Variants in C1orf159 observed in about 807,000 individuals in gnomAD.
C1orf159 encodes the protein uncharacterized protein C1orf159.
Under a neutral mutation model 25.6 loss-of-function variants are expected in C1orf159, and 19 were observed. That is an observed-to-expected ratio of 0.74 (90% CI 0.52 to 1.09). The LOEUF (loss-of-function observed/expected upper bound fraction) is 1.09. Among genes scored for constraint, C1orf159 ranks in the 50% least tolerant of loss-of-function variants. The pLI, the probability that C1orf159 is intolerant of heterozygous loss-of-function variation, is 0.00. For synonymous variants in C1orf159, 139 were observed against 124.7 expected, an observed-to-expected ratio of 1.12 and a Z score of -0.77; for missense variants, 274 against 290.6, an observed-to-expected ratio of 0.94 and a Z score of 0.42.
chr1:1,105,609 T>G (rs561659666), intron 1 of C1orf159, among the ~76,000 whole-genome samples: 1 of 152,112 alleles, frequency 6.6e-6, no homozygotes, highest in Non-Finnish European at 1.5e-5. Context: ...GGACCACGCA[T>G]GGTGGCTCAC....
intron 1 of C1orf159, among the ~76,000 whole-genome samples, chr1:1,096,662 T>A (rs1169932806): frequency 6.6e-6 from 1 of 152,254 alleles, no homozygotes; most frequent in Non-Finnish European, 1.5e-5. Flanking sequence ...ACAAGTTATA[T>A]TCTTCCAAGA....
In C1orf159 at chr1:1,087,479, CG is replaced by C; in HGVS notation, c.244+22del. On this transcript the variant is annotated intron_variant, in intron 5 of 9. Coordinates refer to ENST00000421241, the MANE Select transcript of C1orf159 (RefSeq NM_017891.5). This position sits in a 1 kb window ranked among gnomAD's most constrained non-coding sequence, Gnocchi z 8.3. ...ACAGCTGGAGCTGTGAGAAGGGAGC[CG>C]GGGGGAGCCGGGCAGACCTACAGCT... 7 of 1,535,486 alleles carry C rather than the reference CG, an allele frequency of 4.6e-6. No individual in the cohort carries two copies. The highest frequency in any genetic ancestry group is 2.5e-5 in the East Asian group (1 of 40,678).
chr1:1,095,129 A>C (rs1286954400), intron 1 of C1orf159, among the ~76,000 whole-genome samples: 1 of 152,222 alleles, frequency 6.6e-6, no homozygotes, highest in Non-Finnish European at 1.5e-5. Context: ...CTGAAGCTGT[A>C]AGTAGAATAG....
At chr1:1,083,859 T>C in intron 9 of C1orf159, 3 of 1,463,942 alleles carry the variant, frequency 2.0e-6, no homozygotes, top group Non-Finnish European at 2.8e-6. Flanking sequence ...GCTGTGTGGC[T>C]GTGCGCCGGT....
At position 1,110,665 on chromosome 1, in the gene C1orf159, C is replaced by T. The variant is rs528195897; in HGVS notation, c.-136+5395G>A. ...CACACCTGGGATGCAGCCTTCCCCC[C>T]GGGCACGTTCCCAAGAGAAACAACA... is the stretch of plus-strand genomic sequence containing the variant. On this transcript the variant is annotated intron_variant, in intron 1 of 9. Coordinates refer to ENST00000421241, the MANE Select transcript of C1orf159 (RefSeq NM_017891.5). This position sits in a 1 kb window ranked among gnomAD's most constrained non-coding sequence, Gnocchi z 4.8. Among the ~76,000 whole-genome samples the T allele has an allele frequency of 3.2e-4, 48 of 151,688 alleles. No individual in the cohort carries two copies. Among genetic ancestry groups the T allele is most frequent in the Non-Finnish European group, 4.6e-4 (31 of 68,032 alleles).
chr1:1,101,093 T>C (rs1192221683), intron 1 of C1orf159, among the ~76,000 whole-genome samples: 18 of 152,264 alleles, frequency 1.2e-4, no homozygotes, highest in Admixed American at 1.2e-3. Context: ...TTCCTTTTTC[T>C]GAAAATATTT....
In C1orf159 at chr1:1,082,934, G is replaced by A. The variant is rs1383400160; in HGVS notation, c.556C>T (p.Pro186Ser). The A allele has an allele frequency of 1.2e-6, 2 of 1,604,074 alleles. No homozygotes were observed. Among genetic ancestry groups the A allele is most frequent in the Non-Finnish European group, 1.7e-6 (2 of 1,176,222 alleles). The part of the protein sequence containing the change: ...RERPLDRATD[P>S]AAFPGEARIS... ...CGGGCCTCCCCCGGGAAGGCAGCGG[G>A]ATCCGTGGCCCTGTCCAGGGGCCGC... is the stretch of plus-strand genomic sequence containing the variant. Residue 186 changes from proline (P) to serine (S), a missense_variant, in exon 10 of 10, where the codon CCC becomes TCC. Physicochemically the swap from Pro to Ser is moderately conservative, Grantham distance 74. Coordinates refer to ENST00000421241, the MANE Select transcript of C1orf159 (RefSeq NM_017891.5).
intron 6 of C1orf159, among the ~76,000 whole-genome samples, chr1:1,086,341 A>G (rs1287100077): frequency 6.6e-6 from 1 of 152,202 alleles, no homozygotes; most frequent in Admixed American, 6.5e-5. Flanking sequence ...TTGCCCCTGA[A>G]AGCCAGGGGG....
rs192355445 is a variant in C1orf159 at position 1,083,304 on chromosome 1, G to A, written c.503-317C>T. 1,329 of 331,212 alleles carry A rather than the reference G, an allele frequency of 4.0e-3. 7 individuals carry two copies. The highest frequency in any genetic ancestry group is 5.4e-3 in the Non-Finnish European group (976 of 180,908). The allele number at this position is 331,212 out of a possible 1,614,324, so 20.5% of individuals were successfully genotyped here. ...CAGAGTATCATGCACCTCAGGGGGC[G>A]ACAAGCAGGCCGTAGTCCCAAGACC... On this transcript the variant is annotated intron_variant, in intron 9 of 9. Transcript: ENST00000421241.
Position 1,090,340 on chromosome 1 carries a change from CA to C in C1orf159, c.148+12del, listed in dbSNP as rs948782092. On this transcript the variant is annotated intron_variant, in intron 4 of 9. Transcript: ENST00000421241. ...GGGCCGGTCTGGAATCTGCTTGGGA[CA>C]AAGCGGCTTACCTGGACCACACAGA... 4.0e-5 allele frequency: 62 copies of C among 1,550,488 alleles called. No individual in the cohort carries two copies. In the East Asian group the frequency reaches 6.1e-4, roughly 15 times the overall value.
At chr1:1,093,845 T>C (rs1645974271) in intron 1 of C1orf159, among the ~76,000 whole-genome samples, 1 of 152,190 alleles carries the variant, frequency 6.6e-6, no homozygotes, top group Non-Finnish European at 1.5e-5. Context: ...ACGTTTAACT[T>C]TCTAAGGAAC....
At chr1:1,111,679 C>T (rs1433580760) in intron 1 of C1orf159, among the ~76,000 whole-genome samples, 1 of 152,242 alleles carries the variant, frequency 6.6e-6, no homozygotes, top group Admixed American at 6.5e-5. Flanking sequence ...CTCACCGTAA[C>T]TCCAGCCGCC....
In C1orf159 at chr1:1,095,757, A is replaced by G. The variant is rs756000219; in HGVS notation, c.-135-3654T>C. On this transcript the variant is annotated intron_variant, in intron 1 of 9. Transcript: ENST00000421241. ...ATCCTTGTTCTTGATTTTAGGGATA[A>G]AATGCTCAATATTTCGCCATCAAAA... Among the ~76,000 whole-genome samples the G allele has an allele frequency of 9.8e-5, 15 of 152,356 alleles. No homozygotes were observed. In the Middle Eastern group the frequency reaches 0.01, roughly 104 times the overall value.
At chr1:1,083,442 C>G (rs558626412) in intron 9 of C1orf159, 26 of 200,874 alleles carry the variant, frequency 1.3e-4, no homozygotes, top group Middle Eastern at 2.1e-3. Flanking sequence ...CAGGGCCCAC[C>G]TGAGAGAGAG....
chr1:1,102,844 C>T (rs1180040527), intron 1 of C1orf159, among the ~76,000 whole-genome samples: 1 of 150,502 alleles, frequency 6.6e-6, no homozygotes, highest in Non-Finnish European at 1.5e-5. Flanking sequence ...TTTTTTGAGA[C>T]AAGAGTTTCA....
chr1:1,092,131 G>A (rs970528607), intron 1 of C1orf159, 28 bp from the exon 2 acceptor site: 13 of 384,264 alleles, frequency 3.4e-5, no homozygotes, highest in Non-Finnish European at 5.3e-5. Flanking sequence ...AGGTGAGGCC[G>A]TGGTCACGCG....
intron 4 of C1orf159, among the ~76,000 whole-genome samples, 168 bp downstream of exon 4, chr1:1,090,185 G>C (rs938416262): frequency 6.6e-6 from 1 of 152,206 alleles, no homozygotes. Flanking sequence ...CCAGAAAGGA[G>C]GCTCAGATGT....
chr1:1,111,532 TCAA>T (rs1049939403), intron 1 of C1orf159, among the ~76,000 whole-genome samples: 140 of 152,204 alleles, frequency 9.2e-4, no homozygotes, highest in African/African-American at 2.5e-3. Context: ...AGACCCCGTC[TCAA>T]CAACAACAAC....
chr1:1,094,845 G>A (rs1444937802), intron 1 of C1orf159, among the ~76,000 whole-genome samples: 1 of 152,108 alleles, frequency 6.6e-6, no homozygotes, highest in African/African-American at 2.4e-5. Flanking sequence ...TTGACCTCAT[G>A]GTCACTAAGA....
Sources: gnomAD v4.1 joint callset for allele counts (sites outside exome capture counted in the v4.1 genomes callset) on GRCh38, gnomAD v4.1.1 for gene constraint, Gnocchi (gnomAD v3.1) non-coding constraint, MANE v1.5 for transcripts, NCBI Gene and HGNC (gene_info 2026-07-23, HGNC 2026-07-21) for gene names.